ANHX: variants seen among roughly 807,000 people sequenced by gnomAD.
The protein encoded by ANHX is anomalous homeobox protein.
ANHX carries 20 observed loss-of-function variants against 38.9 expected under a neutral mutation model. That is an observed-to-expected ratio of 0.51 (90% CI 0.36 to 0.75). ANHX has a LOEUF of 0.75. Ranked by LOEUF, ANHX falls within the 30% of genes least tolerant of loss-of-function variation. The pLI is 0.00. For synonymous variants in ANHX, 185 were observed against 203.1 expected, an observed-to-expected ratio of 0.91 and a Z score of 0.76; for missense variants, 475 against 493.1, an observed-to-expected ratio of 0.96 and a Z score of 0.35.
At position 133,231,546 on chromosome 12, in the gene ANHX, GGTGAGCGCA is replaced by G. The variant is rs1957276285; in HGVS notation, c.339_347del (p.Ala114_Thr116del). 1 of 1,536,094 alleles carries G rather than the reference GGTGAGCGCA, an allele frequency of 6.5e-7. No homozygotes were observed. Among genetic ancestry groups the G allele is most frequent in the Non-Finnish European group, 8.7e-7 (1 of 1,146,902 alleles). The stretch of plus-strand genomic sequence containing the variant: ...TCCTGCAGCGGAACTTCTGCACCGG[GGTGAGCGCA>G]GCCACGCCCAGCCTCCTCATGACCA... On this transcript the variant is annotated inframe_deletion, in exon 3 of 10. Transcript: ENST00000545940.
At chr12:133,230,638 T>C (rs1957256867) in intron 3 of ANHX, among the ~76,000 whole-genome samples, 1 of 152,076 alleles carries the variant, frequency 6.6e-6, no homozygotes, top group Non-Finnish European at 1.5e-5. Context: ...TAGCTGGGCA[T>C]GGTGGTCACA....
chr12:133,230,997 C>T (rs141324137), intron 3 of ANHX, among the ~76,000 whole-genome samples: 10 of 152,296 alleles, frequency 6.6e-5, no homozygotes, highest in South Asian at 2.1e-4. Flanking sequence ...CTATTCTGAG[C>T]GCCTGACATG....
In ANHX at chr12:133,227,841, G is replaced by T; in HGVS notation, c.484C>A (p.Pro162Thr). The T allele has an allele frequency of 6.5e-7, 1 of 1,535,426 alleles. No individual in the cohort carries two copies. Among genetic ancestry groups the T allele is most frequent in the Non-Finnish European group, 8.7e-7 (1 of 1,146,658 alleles). ...HNFAVGVNTNPSKAERENLAL... is the reference protein window; with the variant it reads ...HNFAVGVNTNTSKAERENLAL... ...ATTCTTACCCTCTCAGCCTTGCTGG[G>T]GTTGGTGTTCACCCCCACAGCGAAA... The change falls in exon 4 of 10, where the codon CCC becomes ACC. Residue 162 changes from proline (P) to threonine (T), a missense_variant. By Grantham distance (38) the Pro-to-Thr change is conservative. Coordinates refer to ENST00000545940, the MANE Select transcript of ANHX (RefSeq NM_001372060.1).
At chr12:133,219,900 C>A (rs923250333) in intron 8 of ANHX, among the ~76,000 whole-genome samples, 1 of 152,044 alleles carries the variant, frequency 6.6e-6, no homozygotes, top group Non-Finnish European at 1.5e-5. Context: ...CGCAATGGCA[C>A]GTGGCTCCCC....
At position 133,221,301 on chromosome 12, in the gene ANHX, C is replaced by T; in HGVS notation, c.1184G>A (p.Gly395Asp). 1 of 1,536,078 alleles carries T rather than the reference C, an allele frequency of 6.5e-7. No homozygotes were observed. Residue 395 changes from glycine to aspartate, a missense_variant, in exon 8 of 10, where the codon GGT (glycine) becomes GAT (aspartate). Coordinates refer to ENST00000545940, the MANE Select transcript of ANHX (RefSeq NM_001372060.1). The surrounding 1 kb of genome is among the most constrained non-coding windows in gnomAD (Gnocchi z 4.1). The stretch of plus-strand genomic sequence containing the variant: ...TGTCCGTCCACTGCTTGTGCCCAGA[C>T]CCTCCTCCAATTGCACGCTCTGGGG... ...GHPQSVQLEE[G>D]LGTSSGRTEL...
At chr12:133,225,972 A>G (rs1217970274) in intron 6 of ANHX, among the ~76,000 whole-genome samples, 144 bp from the exon 7 acceptor site, 2 of 150,996 alleles carry the variant, frequency 1.3e-5, no homozygotes, top group Non-Finnish European at 3.0e-5. Context: ...ATGAAAAGCA[A>G]AACAGACAAA....
chr12:133,226,542 TG>T, intron 5 of ANHX, 104 bp from the exon 6 acceptor site: 4 of 1,413,744 alleles, frequency 2.8e-6, no homozygotes, highest in Non-Finnish European at 3.7e-6. Context: ...GCTGTTGCCA[TG>T]GGGCCATCCC....
chr12:133,226,232 G>A (rs1014933171), intron 6 of ANHX, 86 bp downstream of exon 6: 54 of 1,531,090 alleles, frequency 3.5e-5, no homozygotes, highest in Middle Eastern at 1.7e-4. Flanking sequence ...GTCACCCTTA[G>A]GCCTACTTCA....
chr12:133,218,764 C>G lies in ANHX; in HGVS notation c.*121G>C, dbSNP rs1957068659. ...AATCTCTGCTTTTCAGCAGAGCCCC[C>G]AGGGGAACTCTGGGGACCTTCATTT... is the stretch of plus-strand genomic sequence containing the variant. On this transcript the variant is annotated 3_prime_UTR_variant, in exon 10 of 10. Coordinates refer to ENST00000545940, the MANE Select transcript of ANHX (RefSeq NM_001372060.1). 1.2e-5 allele frequency: 8 copies of G among 653,850 alleles called. No homozygotes were observed. The highest frequency in any genetic ancestry group is 1.6e-5 in the Non-Finnish European group (7 of 428,830). The allele number at this position is 653,850 out of a possible 1,614,324, so 40.5% of individuals were successfully genotyped here.
In ANHX at chr12:133,234,252, G is replaced by A. The variant is rs894084493; in HGVS notation, c.105C>T (p.Asp35=). 5 of 1,536,062 alleles carry A rather than the reference G, an allele frequency of 3.3e-6. No individual in the cohort carries two copies. The African/African-American group carries it at 6.8e-5, about 21-fold the overall frequency. ...AGRLCRDFQD[D]LAQLQPLVTA... ...TGACCAAAGGCTGCAGTTGGGCAAG[G>A]TCATCCTGGAAGTCCCGGCACAGTC... is the stretch of plus-strand genomic sequence containing the variant. The change falls in exon 2 of 10, where the codon GAC becomes GAT. Residue 35 remains aspartate (D), a synonymous_variant. Transcript: ENST00000545940.
At chr12:133,235,784 C>A (rs1401605927) in intron 1 of ANHX, 23 bp downstream of exon 1, 4 of 144,420 alleles carry the variant, frequency 2.8e-5, no homozygotes, top group African/African-American at 7.6e-5. Context: ...CCTCCCGGAC[C>A]CCCCTGCCCG....
chr12:133,231,648 C>A lies in ANHX; in HGVS notation c.250-4G>T. Reference sequence around the variant, plus strand: ...TGCCTCCCGGCACCTGGCACCCCTGCCAAGAAGAGTGTACTGAGCCCTGGC... The same window carrying A: ...TGCCTCCCGGCACCTGGCACCCCTGACAAGAAGAGTGTACTGAGCCCTGGC... On this transcript the variant is annotated splice_region_variant and splice_polypyrimidine_tract_variant and intron_variant, in intron 2 of 9. Coordinates refer to ENST00000545940, the MANE Select transcript of ANHX (RefSeq NM_001372060.1). The A allele has an allele frequency of 6.5e-7, 1 of 1,535,980 alleles. No homozygotes were observed. The highest frequency in any genetic ancestry group is 8.7e-7 in the Non-Finnish European group (1 of 1,146,912).
rs1957187322 is a variant in ANHX at position 133,226,308 on chromosome 12, A to G, written c.839+10T>C. ...GTGAGATGATTCCATGGCCATGGAG[A>G]TGACAGTACCTGACATCCAGTGGCT... On this transcript the variant is annotated intron_variant, in intron 6 of 9. Coordinates refer to ENST00000545940, the MANE Select transcript of ANHX (RefSeq NM_001372060.1). 16 of 1,536,214 alleles carry G rather than the reference A, an allele frequency of 1.0e-5. No homozygotes were observed. The highest frequency in any genetic ancestry group is 1.4e-5 in the Non-Finnish European group (16 of 1,146,892).
intron 4 of ANHX, among the ~76,000 whole-genome samples, chr12:133,227,387 T>C (rs1957204258): frequency 1.3e-5 from 2 of 152,222 alleles, no homozygotes; most frequent in African/African-American, 4.8e-5. Context: ...CACAGCCACA[T>C]GTGCACGTCC....
intron 3 of ANHX, among the ~76,000 whole-genome samples, chr12:133,228,459 T>C (rs900293418): frequency 2.6e-5 from 4 of 152,148 alleles, no homozygotes; most frequent in Non-Finnish European, 5.9e-5. Flanking sequence ...CATTCTTGCA[T>C]GAGTCCTCTG....
intron 1 of ANHX, chr12:133,235,237 G>A (rs1035231963): frequency 1.3e-5 from 2 of 152,238 alleles, no homozygotes; most frequent in African/African-American, 2.4e-5. Context: ...AGCCTGCAGG[G>A]GCCTTGGAGG....
At chr12:133,227,297 G>C (rs1957203271) in intron 4 of ANHX, 145 bp from the exon 5 acceptor site, 2 of 904,544 alleles carry the variant, frequency 2.2e-6, no homozygotes, top group Non-Finnish European at 3.3e-6. Context: ...AGAGCGGTGA[G>C]CATGAGCAGA....
At chr12:133,229,338 T>G (rs1166927507) in intron 3 of ANHX, among the ~76,000 whole-genome samples, 1 of 152,166 alleles carries the variant, frequency 6.6e-6, no homozygotes, top group Non-Finnish European at 1.5e-5. Context: ...GTAGAAGGTG[T>G]GTCATCCCAG....
chr12:133,221,133 A>G lies in ANHX; in HGVS notation c.1280+72T>C. ...CTGCACAGTCCGGGACGGTGAGTCT[A>G]TAAACTGGGCATTACCCTATCTTGT... On this transcript the variant is annotated intron_variant, in intron 8 of 9. Coordinates refer to ENST00000545940, the MANE Select transcript of ANHX (RefSeq NM_001372060.1). The surrounding 1 kb of genome is among the most constrained non-coding windows in gnomAD (Gnocchi z 4.1). 1 of 1,506,072 alleles carries G rather than the reference A, an allele frequency of 6.6e-7. No homozygotes were observed. Among genetic ancestry groups the G allele is most frequent in the Non-Finnish European group, 8.9e-7 (1 of 1,128,324 alleles). The allele number at this position is 1,506,072 out of a possible 1,614,324, so 93.3% of individuals were successfully genotyped here.
Sources: allele counts gnomAD v4.1 joint callset (sites outside exome capture counted in the v4.1 genomes callset), GRCh38; gene constraint gnomAD v4.1.1; non-coding constraint Gnocchi (gnomAD v3.1); transcripts MANE v1.5; gene names NCBI Gene and HGNC (gene_info 2026-07-23, HGNC 2026-07-21).